Variants in TTC7B observed in about 807,000 individuals in gnomAD.
TTC7B encodes the protein tetratricopeptide repeat domain 7B, also known as tetratricopeptide repeat protein 7B.
Under a neutral mutation model 106.8 loss-of-function variants are expected in TTC7B, and 28 were observed. The ratio of observed to expected loss-of-function variants is 0.26; its 90% CI spans 0.19 to 0.36. The LOEUF is 0.36. Among genes scored for constraint, TTC7B ranks in the 10% least tolerant of loss-of-function variants. The pLI is 1.00. For synonymous variants in TTC7B, 405 were observed against 430.6 expected (o/e 0.94, Z 0.74); for missense variants, 862 against 1,076.4 (o/e 0.80, Z 2.79).
intron 3 of TTC7B, among the ~76,000 whole-genome samples, chr14:90,747,865 G>A (rs1027736718): frequency 9.9e-5 from 15 of 152,144 alleles, no homozygotes; most frequent in African/African-American, 3.6e-4. Context: ...TGACATCATT[G>A]CTCTAAAACC....
chr14:90,781,340 T>C (rs1891213900), intron 2 of TTC7B, among the ~76,000 whole-genome samples: 1 of 152,124 alleles, frequency 6.6e-6, no homozygotes, highest in East Asian at 1.9e-4. Context: ...TGGGAGGTGA[T>C]GAAAATGTTC....
rs530250508 is a variant in TTC7B, at chr14:90,760,584, C to T, written c.446-15662G>A. Among the ~76,000 whole-genome samples the T allele has an allele frequency of 5.9e-4, 90 of 152,364 alleles. 2 individuals carry two copies. In the South Asian group the frequency reaches 0.018, roughly 30 times the overall value. ...GAGAATGTAAATCCGGCACAAATGT[C>T]CAAATGCTCATGTATTTCAGGCATT... On this transcript the variant is annotated intron_variant, in intron 3 of 19. Transcript: ENST00000328459.
intron 8 of TTC7B, chr14:90,677,973 A>C (rs1029020049): frequency 2.9e-6 from 1 of 342,814 alleles, no homozygotes. Context: ...TCTTGAGCCC[A>C]AAAAAAGCAG....
At chr14:90,708,446 A>T (rs1338861753) in intron 5 of TTC7B, among the ~76,000 whole-genome samples, 1 of 152,176 alleles carries the variant, frequency 6.6e-6, no homozygotes, top group Non-Finnish European at 1.5e-5. Flanking sequence ...CCATTTTGAA[A>T]ATCCTAGGGC....
intron 19 of TTC7B, among the ~76,000 whole-genome samples, chr14:90,571,411 G>A (rs1054016608): frequency 1.3e-5 from 2 of 152,192 alleles, no homozygotes; most frequent in African/African-American, 4.8e-5. Context: ...GGAAAGGCAA[G>A]AGAGAAATGA....
chr14:90,652,723 A>G, intron 13 of TTC7B, 118 bp downstream of exon 13: 2 of 1,183,364 alleles, frequency 1.7e-6, no homozygotes, highest in Non-Finnish European at 2.5e-6. Flanking sequence ...CTCAGGACGA[A>G]AGACTCTCAG....
In TTC7B at chr14:90,780,426, A is replaced by G. The variant is rs751025459; in HGVS notation, c.445+312T>C. ...AAGAAACAGAGAAAGAAAGAAAGAAAGAAAGAGAGAGAGAGAGAAGGAAAG... is the reference window on the plus strand; with the variant it reads ...AAGAAACAGAGAAAGAAAGAAAGAAGGAAAGAGAGAGAGAGAGAAGGAAAG... On this transcript the variant is annotated intron_variant, in intron 3 of 19. Transcript: ENST00000328459. Among the ~76,000 whole-genome samples, 12 of 146,996 alleles carry G rather than the reference A, an allele frequency of 8.2e-5. 1 individual carries two copies. Among genetic ancestry groups the G allele is most frequent in the Non-Finnish European group, 1.8e-4 (12 of 66,450 alleles).
rs1891508049 is a variant in TTC7B, at chr14:90,789,594, T to C, written c.122-3266A>G. Among the ~76,000 whole-genome samples the C allele has an allele frequency of 1.3e-5, 2 of 151,944 alleles. 1 individual carries two copies. Among genetic ancestry groups the C allele is most frequent in the South Asian group, 4.2e-4 (2 of 4,814 alleles). On this transcript the variant is annotated intron_variant, in intron 1 of 19. Coordinates refer to ENST00000328459, the MANE Select transcript of TTC7B (RefSeq NM_001010854.2). Reference sequence around the variant, plus strand: ...AAATAACATTTTATTTAACTAAATATAACCAAAATACTATCAGGTCAGCCG... The same window carrying C: ...AAATAACATTTTATTTAACTAAATACAACCAAAATACTATCAGGTCAGCCG...
intron 13 of TTC7B, among the ~76,000 whole-genome samples, chr14:90,652,341 A>G (rs1489383307): frequency 2.0e-5 from 3 of 152,040 alleles, no homozygotes; most frequent in Non-Finnish European, 4.4e-5. Context: ...TGAGAGGCAC[A>G]ATGACAGAGA....
intron 5 of TTC7B, among the ~76,000 whole-genome samples, chr14:90,727,954 T>C (rs185521641): frequency 5.3e-5 from 8 of 152,264 alleles, no homozygotes; most frequent in Admixed American, 5.2e-4. Flanking sequence ...GCTGTAGGCA[T>C]CCAGTGACAA....
chr14:90,776,116 G>T (rs1891018992), intron 3 of TTC7B, among the ~76,000 whole-genome samples: 1 of 147,750 alleles, frequency 6.8e-6, no homozygotes, highest in Non-Finnish European at 1.5e-5. Context: ...TCAGGCATGA[G>T]CAGGGCAGGA....
At position 90,742,744 on chromosome 14, in the gene TTC7B, A is replaced by C. The variant is rs1005627825; in HGVS notation, c.576+2048T>G. Among the ~76,000 whole-genome samples the C allele has an allele frequency of 3.9e-5, 6 of 152,226 alleles. No individual in the cohort carries two copies. Among genetic ancestry groups the C allele is most frequent in the African/African-American group, 1.4e-4 (6 of 41,460 alleles). ...TTTCTTTTAAATCCTACGACTATAC[A>C]AGCCTCCTTGATGTTCCTGCTGAAG... On this transcript the variant is annotated intron_variant, in intron 4 of 19. Transcript: ENST00000328459. The surrounding 1 kb of genome is among the most constrained non-coding windows in gnomAD (Gnocchi z 4.1).
chr14:90,560,628 T>C (rs1379337648), intron 19 of TTC7B, among the ~76,000 whole-genome samples: 2 of 152,122 alleles, frequency 1.3e-5, no homozygotes, highest in East Asian at 1.9e-4. Context: ...ACTTCCCACA[T>C]CTAGAAAAAT....
chr14:90,798,277 G>A lies in TTC7B; in HGVS notation c.122-11949C>T, dbSNP rs915945394. Among the ~76,000 whole-genome samples the A allele has an allele frequency of 2.0e-5, 3 of 152,158 alleles. No individual in the cohort carries two copies. In the East Asian group the frequency reaches 5.8e-4, roughly 29 times the overall value. ...GCTGACCCATAGCAGGCCACTGATGGATGAGCGAGCCCTGGCAAGCCCAGA... is the reference window on the plus strand; with the variant it reads ...GCTGACCCATAGCAGGCCACTGATGAATGAGCGAGCCCTGGCAAGCCCAGA... On this transcript the variant is annotated intron_variant, in intron 1 of 19. Transcript: ENST00000328459.
In TTC7B at chr14:90,525,638, G is replaced by A. The variant is rs1256562821; in HGVS notation, c.*15730C>T. The A allele has an allele frequency of 6.6e-6, 1 of 150,488 alleles. No individual in the cohort carries two copies. The highest frequency in any genetic ancestry group is 1.5e-5 in the Non-Finnish European group (1 of 67,708). The allele number at this position is 150,488 out of a possible 1,614,324, so 9.3% of individuals were successfully genotyped here. A position where few individuals can be genotyped will look rare whatever the true frequency, so the allele number is the denominator to read the frequency against. On this transcript the variant is annotated 3_prime_UTR_variant, in exon 20 of 20. Transcript: ENST00000328459. ...CGCTGGGTCAGCTGTTTCGAGCGGC[G>A]GATCTGCTCCTATAGATGTCCAGAT... is the stretch of plus-strand genomic sequence containing the variant.
At chr14:90,629,072 C>T (rs552650295) in intron 15 of TTC7B, among the ~76,000 whole-genome samples, 2 of 152,386 alleles carry the variant, frequency 1.3e-5, no homozygotes, top group East Asian at 3.9e-4. Flanking sequence ...TGGCTGAAAG[C>T]AGGCGCTCTC....
At chr14:90,635,096 A>T (rs1335051076) in intron 15 of TTC7B, among the ~76,000 whole-genome samples, 1 of 152,140 alleles carries the variant, frequency 6.6e-6, no homozygotes, top group Admixed American at 6.5e-5. Flanking sequence ...TTGTGAGAAA[A>T]TGTTTGAGCC....
rs1173355478 is a variant in TTC7B at position 90,705,929 on chromosome 14, G to A, written c.699-10351C>T. Among the ~76,000 whole-genome samples the A allele has an allele frequency of 2.6e-5, 4 of 152,252 alleles. No homozygotes were observed. The East Asian group carries it at 5.8e-4, about 22-fold the overall frequency. On this transcript the variant is annotated intron_variant, in intron 5 of 19. Coordinates refer to ENST00000328459, the MANE Select transcript of TTC7B (RefSeq NM_001010854.2). Reference sequence around the variant, plus strand: ...ACTGGCTAGAAAACTGCACATTCATGCTACAGTTCAATACATGCCTCTGTT... The same window carrying A: ...ACTGGCTAGAAAACTGCACATTCATACTACAGTTCAATACATGCCTCTGTT...
intron 15 of TTC7B, among the ~76,000 whole-genome samples, chr14:90,638,030 C>T (rs1333019270): frequency 2.0e-5 from 3 of 151,710 alleles, no homozygotes; most frequent in Admixed American, 6.6e-5. Context: ...CACAGGTACA[C>T]GCCATCACAT....
Sources: gnomAD v4.1 joint callset for allele counts (sites outside exome capture counted in the v4.1 genomes callset) on GRCh38, gnomAD v4.1.1 for gene constraint, Gnocchi (gnomAD v3.1) non-coding constraint, MANE v1.5 for transcripts, NCBI Gene and HGNC (gene_info 2026-07-23, HGNC 2026-07-21) for gene names.